OSBPL8: variants seen among roughly 807,000 people sequenced by gnomAD.
OSBPL8 encodes oxysterol-binding protein-related protein 8.
A neutral mutation model predicts 125.5 loss-of-function variants in OSBPL8; 59 were observed. That is an observed-to-expected ratio of 0.47 (90% CI 0.38 to 0.58). The LOEUF (loss-of-function observed/expected upper bound fraction) is 0.58, where lower values mean the gene tolerates loss of function less well. OSBPL8 is among the 20% of genes least tolerant of loss of function. The pLI is 0.00. For synonymous variants in OSBPL8, 330 were observed against 338.9 expected (o/e 0.97, Z 0.29); for missense variants, 758 against 1,047.8 (o/e 0.72, Z 3.82).
At position 76,426,190 on chromosome 12, in the gene OSBPL8, C is replaced by T. The variant is rs538401213; in HGVS notation, c.218-15556G>A. On this transcript the variant is annotated intron_variant, in intron 4 of 23. Coordinates refer to ENST00000261183, the MANE Select transcript of OSBPL8 (RefSeq NM_020841.5). ...ACAGCAGCTGAGCTTCAGACAATCACAGGCAACAAACTAATCAGATCATGT... is the reference window on the plus strand; with the variant it reads ...ACAGCAGCTGAGCTTCAGACAATCATAGGCAACAAACTAATCAGATCATGT... 1.9e-3 allele frequency among the ~76,000 whole-genome samples: 284 copies of T among 152,328 alleles called. 1 individual carries two copies. Among genetic ancestry groups the T allele is most frequent in the African/African-American group, 6.6e-3 (276 of 41,586 alleles).
At chr12:76,546,684 T>C (rs1436936627) in intron 1 of OSBPL8, among the ~76,000 whole-genome samples, 5 of 152,120 alleles carry the variant, frequency 3.3e-5, no homozygotes, top group Non-Finnish European at 5.9e-5. Flanking sequence ...TCATGACAAC[T>C]GATATCTGAG....
intron 15 of OSBPL8, among the ~76,000 whole-genome samples, chr12:76,381,393 A>C (rs142274371): frequency 2.6e-5 from 4 of 152,296 alleles, no homozygotes; most frequent in African/African-American, 7.2e-5. Flanking sequence ...TACATTACTA[A>C]ATCAATTTAT....
At chr12:76,530,775 T>C (rs1472399319) in intron 1 of OSBPL8, among the ~76,000 whole-genome samples, 1 of 152,142 alleles carries the variant, frequency 6.6e-6, no homozygotes, top group African/African-American at 2.4e-5. Context: ...GAGCTAACTT[T>C]ATCATCAAGC....
chr12:76,405,941 TC>T (rs948141772), intron 5 of OSBPL8, among the ~76,000 whole-genome samples: 2 of 152,196 alleles, frequency 1.3e-5, no homozygotes, highest in African/African-American at 4.8e-5. Context: ...TTCTTTATTT[TC>T]CCCTTTAACT....
intron 16 of OSBPL8, among the ~76,000 whole-genome samples, chr12:76,376,538 C>T (rs1952824787): frequency 6.6e-6 from 1 of 152,088 alleles, no homozygotes; most frequent in Non-Finnish European, 1.5e-5. Flanking sequence ...CCATGCATTG[C>T]TATAAAAAAT....
chr12:76,482,441 C>T (rs1877610747), intron 2 of OSBPL8, among the ~76,000 whole-genome samples: 1 of 152,106 alleles, frequency 6.6e-6, no homozygotes, highest in African/African-American at 2.4e-5. Flanking sequence ...TGGAGAAACC[C>T]CGTCTCTACT....
intron 1 of OSBPL8, among the ~76,000 whole-genome samples, chr12:76,549,304 C>A (rs1010665643): frequency 6.6e-6 from 1 of 152,110 alleles, no homozygotes; most frequent in Non-Finnish European, 1.5e-5. Flanking sequence ...CAAAAATGAC[C>A]TATACACCTC....
intron 4 of OSBPL8, among the ~76,000 whole-genome samples, chr12:76,439,251 C>T (rs571465049): frequency 3.9e-5 from 6 of 152,140 alleles, no homozygotes; most frequent in Admixed American, 6.5e-5. Flanking sequence ...TGGTGGCGCA[C>T]GCCTATAATC....
At chr12:76,510,944 A>C (rs187979117) in intron 1 of OSBPL8, among the ~76,000 whole-genome samples, 3 of 152,208 alleles carry the variant, frequency 2.0e-5, no homozygotes, top group Admixed American at 1.3e-4. Context: ...TAGATTCCGG[A>C]CATACAGAAA....
chr12:76,553,134 T>C (rs1287658298), intron 1 of OSBPL8, among the ~76,000 whole-genome samples: 1 of 152,164 alleles, frequency 6.6e-6, no homozygotes, highest in African/African-American at 2.4e-5. Flanking sequence ...GTAATAATGT[T>C]ACTTAGATTG....
At chr12:76,429,562 T>C (rs899404133) in intron 4 of OSBPL8, among the ~76,000 whole-genome samples, 6 of 152,154 alleles carry the variant, frequency 3.9e-5, no homozygotes, top group Non-Finnish European at 7.3e-5. Flanking sequence ...AAAAATGTAC[T>C]AAACTAATAG....
At chr12:76,430,177 G>A (rs1870642528) in intron 4 of OSBPL8, among the ~76,000 whole-genome samples, 1 of 152,140 alleles carries the variant, frequency 6.6e-6, no homozygotes, top group Non-Finnish European at 1.5e-5. Flanking sequence ...ACCATCTACA[G>A]AATTGACTGA....
At chr12:76,404,384 G>C (rs182873594) in intron 5 of OSBPL8, among the ~76,000 whole-genome samples, 26 of 152,220 alleles carry the variant, frequency 1.7e-4, no homozygotes, top group African/African-American at 6.3e-4. Context: ...TAGCTTAAAA[G>C]TTAATGAACA....
At chr12:76,519,772 G>A (rs1007991179) in intron 1 of OSBPL8, among the ~76,000 whole-genome samples, 3 of 152,084 alleles carry the variant, frequency 2.0e-5, no homozygotes, top group African/African-American at 7.2e-5. Flanking sequence ...ACGGGTTAGG[G>A]GGAATGTCCC....
At chr12:76,389,442 A>G (rs547379224) in intron 12 of OSBPL8, among the ~76,000 whole-genome samples, 1 of 152,182 alleles carries the variant, frequency 6.6e-6, no homozygotes, top group Non-Finnish European at 1.5e-5. Flanking sequence ...ATGATATCTC[A>G]ATTTAACTTC....
chr12:76,502,748 T>C (rs978063234), intron 1 of OSBPL8, among the ~76,000 whole-genome samples: 4 of 152,138 alleles, frequency 2.6e-5, no homozygotes, highest in Admixed American at 6.5e-5. Context: ...CCATGACCAG[T>C]TGAGGTACTT....
At chr12:76,475,805 T>C (rs1282698378) in intron 2 of OSBPL8, among the ~76,000 whole-genome samples, 1 of 152,212 alleles carries the variant, frequency 6.6e-6, no homozygotes, top group Non-Finnish European at 1.5e-5. Context: ...TTCTATGCTC[T>C]TTTCTCTCTA....
chr12:76,548,500 A>C (rs1233009091), intron 1 of OSBPL8, among the ~76,000 whole-genome samples: 1 of 152,216 alleles, frequency 6.6e-6, no homozygotes, highest in Non-Finnish European at 1.5e-5. Context: ...AGCAGTTTCT[A>C]AACAACTGAC....
At chr12:76,523,337 A>T (rs1950074602) in intron 1 of OSBPL8, among the ~76,000 whole-genome samples, 1 of 152,208 alleles carries the variant, frequency 6.6e-6, no homozygotes, top group South Asian at 2.1e-4. Context: ...ACCAAGGCTA[A>T]TGGAAGAATA....
Sources: gnomAD v4.1 joint callset for allele counts (sites outside exome capture counted in the v4.1 genomes callset) on GRCh38, gnomAD v4.1.1 for gene constraint, MANE v1.5 for transcripts, NCBI Gene and HGNC (gene_info 2026-07-23, HGNC 2026-07-21) for gene names.